The following CNTN6 variants were observed in gnomAD, a reference collection of about 807,000 sequenced individuals.
CNTN6 encodes the protein contactin 6.
CNTN6 carries 137 observed loss-of-function variants against 122.8 expected under a neutral mutation model. The ratio of observed to expected loss-of-function variants is 1.12; its 90% CI spans 0.97 to 1.29. CNTN6 has a LOEUF of 1.29. Ranked by LOEUF, CNTN6 falls within the 50% of genes most tolerant of loss-of-function variation. CNTN6 has a pLI of 0.00. For synonymous variants in CNTN6, 570 were observed against 426.0 expected (o/e 1.34, Z -4.16); for missense variants, 1,634 against 1,223.4 (o/e 1.34, Z -5.01).
intron 4 of CNTN6, among the ~76,000 whole-genome samples, chr3:1,246,085 A>G (rs1234416207): frequency 6.6e-6 from 1 of 152,162 alleles, no homozygotes; most frequent in African/African-American, 2.4e-5. Flanking sequence ...TATAATATAT[A>G]CAGAAAAGTA....
intron 7 of CNTN6, among the ~76,000 whole-genome samples, chr3:1,310,274 T>A (rs985406996): frequency 3.9e-5 from 6 of 152,316 alleles, no homozygotes; most frequent in Non-Finnish European, 8.8e-5. Flanking sequence ...GACATTTTTA[T>A]CAAGTTGGGG....
At chr3:1,393,049 A>G (rs1694411959) in intron 20 of CNTN6, among the ~76,000 whole-genome samples, 1 of 42,862 alleles carries the variant, frequency 2.3e-5, no homozygotes, top group African/African-American at 7.9e-5. Flanking sequence ...CAGCCATCCC[A>G]TTACTGGGTA....
intron 12 of CNTN6, among the ~76,000 whole-genome samples, chr3:1,355,501 A>T (rs1289151659): frequency 5.3e-5 from 8 of 151,768 alleles, no homozygotes; most frequent in Middle Eastern, 3.2e-3. Context: ...CATAGGAAAA[A>T]ATTATAATAG....
chr3:1,225,742 C>T (rs1172652590), intron 3 of CNTN6, among the ~76,000 whole-genome samples: 2 of 143,558 alleles, frequency 1.4e-5, no homozygotes, highest in East Asian at 2.1e-4. Flanking sequence ...ATATTGAAAA[C>T]GAGCAGTCTC....
intron 1 of CNTN6, among the ~76,000 whole-genome samples, chr3:1,102,449 T>G (rs2090952272): frequency 6.6e-6 from 1 of 152,148 alleles, no homozygotes; most frequent in Admixed American, 6.5e-5. Context: ...AGAACAGTCC[T>G]GCCGGGCGCG....
intron 2 of CNTN6, among the ~76,000 whole-genome samples, chr3:1,175,284 G>T (rs559201055): frequency 2.1e-5 from 3 of 146,200 alleles, no homozygotes; most frequent in African/African-American, 5.1e-5. Flanking sequence ...AATTCCACTT[G>T]ATCTAAGGAG....
At chr3:1,265,376 G>A (rs980043765) in intron 4 of CNTN6, among the ~76,000 whole-genome samples, 2 of 152,048 alleles carry the variant, frequency 1.3e-5, no homozygotes, top group African/African-American at 4.8e-5. Context: ...ACATTTCCAT[G>A]ACTACTTCTG....
intron 7 of CNTN6, 120 bp from the exon 8 acceptor site, chr3:1,321,530 C>A: frequency 1.2e-6 from 1 of 868,534 alleles, no homozygotes; most frequent in South Asian, 1.9e-5. Flanking sequence ...GAAAACTAGT[C>A]ATAATACAAC....
At chr3:1,368,932 T>G (rs1435249250) in intron 12 of CNTN6, among the ~76,000 whole-genome samples, 1 of 152,220 alleles carries the variant, frequency 6.6e-6, no homozygotes, top group Non-Finnish European at 1.5e-5. Context: ...CCACAAATTA[T>G]GTAGCTGACC....
chr3:1,234,981 T>C (rs1559565806), intron 4 of CNTN6, among the ~76,000 whole-genome samples: 1 of 152,174 alleles, frequency 6.6e-6, no homozygotes, highest in African/African-American at 2.4e-5. Context: ...CAAGCCACTG[T>C]TATATTTATA....
chr3:1,297,848 T>A (rs771720459), intron 6 of CNTN6, 41 bp from the exon 7 acceptor site: 1 of 1,503,178 alleles, frequency 6.7e-7, no homozygotes, highest in Admixed American at 1.8e-5. Flanking sequence ...AGAAAACTTC[T>A]ATTCTCCAGA....
At chr3:1,363,699 CA>C (rs1317899775) in intron 12 of CNTN6, among the ~76,000 whole-genome samples, 1 of 151,888 alleles carries the variant, frequency 6.6e-6, no homozygotes, top group Non-Finnish European at 1.5e-5. Context: ...TCTTAACTAT[CA>C]TGAATACTGC....
intron 2 of CNTN6, among the ~76,000 whole-genome samples, chr3:1,186,121 A>C (rs2093624942): frequency 6.6e-6 from 1 of 152,196 alleles, no homozygotes; most frequent in Non-Finnish European, 1.5e-5. Flanking sequence ...AGAAAACGAA[A>C]GACAGCACAA....
intron 7 of CNTN6, among the ~76,000 whole-genome samples, chr3:1,320,664 A>T (rs1188734223): frequency 6.6e-6 from 1 of 151,754 alleles, no homozygotes; most frequent in Non-Finnish European, 1.5e-5. Context: ...GAATGACTTG[A>T]CAAGAGGAAA....
Position 1,385,793 on chromosome 3 carries a change from G to C in CNTN6, c.2700G>C (p.Lys900Asn), listed in dbSNP as rs767934032. 1 of 1,608,554 alleles carries C rather than the reference G, an allele frequency of 6.2e-7. No individual in the cohort carries two copies. The highest frequency in any genetic ancestry group is 1.1e-5 in the South Asian group (1 of 90,328). Residue 900 changes from lysine to asparagine, a missense_variant, in exon 20 of 23, where the codon AAG becomes AAC. Transcript: ENST00000446702. ...SSPPVNVTTK[K>N]SPPSQPPANI... The stretch of plus-strand genomic sequence containing the variant: ...CCCCAGTCAATGTTACCACCAAAAA[G>C]TCTCGTAAGTATGCATACACTCCAG...
intron 1 of CNTN6, among the ~76,000 whole-genome samples, chr3:1,100,078 G>T (rs948909513): frequency 8.6e-5 from 13 of 151,920 alleles, no homozygotes; most frequent in African/African-American, 3.1e-4. Context: ...TTTTGTCAAG[G>T]TTTTTTTAGA....
chr3:1,328,771 GAA>G, intron 10 of CNTN6, among the ~76,000 whole-genome samples: 2 of 151,642 alleles, frequency 1.3e-5, no homozygotes, highest in Non-Finnish European at 2.9e-5. Context: ...ATACCCGAAA[GAA>G]CTTCAGTTCA....
intron 2 of CNTN6, among the ~76,000 whole-genome samples, chr3:1,209,729 A>G (rs1364563896): frequency 8.9e-6 from 1 of 112,926 alleles, no homozygotes; most frequent in Non-Finnish European, 2.0e-5. Flanking sequence ...TTGGTTGGAC[A>G]GGTAAAACTG....
intron 5 of CNTN6, among the ~76,000 whole-genome samples, chr3:1,289,803 C>T (rs968844564): frequency 2.0e-5 from 3 of 151,780 alleles, no homozygotes; most frequent in Non-Finnish European, 2.9e-5. Context: ...GTCTCCCCAG[C>T]AGCTGGGACT....
Sources: gnomAD v4.1 joint callset for allele counts (sites outside exome capture counted in the v4.1 genomes callset) on GRCh38, gnomAD v4.1.1 for gene constraint, MANE v1.5 for transcripts, NCBI Gene and HGNC (gene_info 2026-07-23, HGNC 2026-07-21) for gene names.